Variants in TENM3 observed in about 807,000 individuals in gnomAD.
The protein encoded by TENM3 is teneurin-3.
TENM3 carries 63 observed loss-of-function variants against 255.1 expected under a neutral mutation model. That is an observed-to-expected ratio of 0.25 (90% CI 0.20 to 0.30). The LOEUF is 0.30. TENM3 is among the 10% of genes least tolerant of loss of function. The probability of loss-of-function intolerance (pLI) is 1.00; values close to 1 mark genes in which losing one functional copy is unlikely to be tolerated. For missense variants in TENM3, 2,929 were observed against 3,461.1 expected (o/e 0.85, Z 3.86); for synonymous variants, 1,306 against 1,322.3 (o/e 0.99, Z 0.27).
At chr4:182,616,542 T>C (rs1366034440) in intron 4 of TENM3, among the ~76,000 whole-genome samples, 3 of 74,882 alleles carry the variant, frequency 4.0e-5, no homozygotes, top group African/African-American at 1.2e-4. Flanking sequence ...AAAAAAAAGG[T>C]CAGGAGATCA....
the TENM3 span, among the ~76,000 whole-genome samples, chr4:181,817,499 C>A: frequency 8.5e-5 from 13 of 152,276 alleles, no homozygotes; most frequent in Admixed American, 2.0e-4. Context: ...TTTTAACCCA[C>A]ACCTAGAGAT....
chr4:182,413,707 T>C (rs1257560010), intron 3 of TENM3, among the ~76,000 whole-genome samples: 2 of 152,132 alleles, frequency 1.3e-5, no homozygotes, highest in African/African-American at 2.4e-5. Context: ...TTTCCCCAAA[T>C]GCTTTTGACA....
chr4:182,699,041 A>T (rs764409419), intron 12 of TENM3, among the ~76,000 whole-genome samples: 1 of 152,222 alleles, frequency 6.6e-6, no homozygotes, highest in Non-Finnish European at 1.5e-5. Context: ...GAAAAGAAAT[A>T]CGCTTCACAT....
At chr4:182,278,681 A>AT (rs963336004) in intron 1 of TENM3, among the ~76,000 whole-genome samples, 48 of 149,190 alleles carry the variant, frequency 3.2e-4, no homozygotes, top group African/African-American at 7.5e-5. Context: ...AAAAAAAAAA[A>AT]GGAGGTGGAA....
At chr4:181,779,385 A>C in the TENM3 span, among the ~76,000 whole-genome samples, 1 of 151,948 alleles carries the variant, frequency 6.6e-6, no homozygotes, top group Non-Finnish European at 1.5e-5. Context: ...CAAGAACTAC[A>C]TAAGGAGGGG....
At chr4:181,805,792 A>C in the TENM3 span, among the ~76,000 whole-genome samples, 9 of 152,296 alleles carry the variant, frequency 5.9e-5, no homozygotes, top group East Asian at 1.7e-3. Flanking sequence ...TTCCATATTT[A>C]AACTTTTTCT....
At chr4:182,557,842 A>T (rs1742724592) in intron 3 of TENM3, among the ~76,000 whole-genome samples, 1 of 152,290 alleles carries the variant, frequency 6.6e-6, no homozygotes, top group Non-Finnish European at 1.5e-5. Flanking sequence ...ACTTTTACCT[A>T]GATGTCTCTC....
chr4:182,100,614 TATATATACACACAC>T, the TENM3 span, among the ~76,000 whole-genome samples: 1 of 49,362 alleles, frequency 2.0e-5, no homozygotes, highest in Non-Finnish European at 4.3e-5. Flanking sequence ...TATACACACA[TATATATACACACAC>T]ATATATACAC....
intron 3 of TENM3, among the ~76,000 whole-genome samples, chr4:182,547,586 T>TAA (rs1030341206): frequency 2.6e-5 from 4 of 152,148 alleles, no homozygotes; most frequent in African/African-American, 9.7e-5. Context: ...AGGAGGTTGC[T>TAA]AAGTGCTAGT....
the TENM3 span, among the ~76,000 whole-genome samples, chr4:181,669,666 C>T: frequency 1.3e-5 from 2 of 152,158 alleles, no homozygotes; most frequent in Non-Finnish European, 2.9e-5. Context: ...GAGGAACCTA[C>T]AAGAACTGAT....
the TENM3 span, among the ~76,000 whole-genome samples, chr4:181,745,575 G>T: frequency 6.6e-6 from 1 of 152,160 alleles, no homozygotes; most frequent in African/African-American, 2.4e-5. Flanking sequence ...CAGCAAGACT[G>T]CAGGCTGAGC....
At chr4:182,000,452 A>AG in the TENM3 span, among the ~76,000 whole-genome samples, 1 of 152,090 alleles carries the variant, frequency 6.6e-6, no homozygotes, top group African/African-American at 2.4e-5. Context: ...AGCACTTTCC[A>AG]GGGGAGTATT....
the TENM3 span, among the ~76,000 whole-genome samples, chr4:181,845,115 A>G: frequency 5.9e-5 from 9 of 152,230 alleles, no homozygotes; most frequent in Admixed American, 5.2e-4. Flanking sequence ...AAGACATTCA[A>G]TTAAATATCC....
At chr4:182,555,026 C>A (rs976435042) in intron 3 of TENM3, among the ~76,000 whole-genome samples, 1 of 152,076 alleles carries the variant, frequency 6.6e-6, no homozygotes, top group African/African-American at 2.4e-5. Context: ...TAGTAATATT[C>A]CTTGTCTTCC....
intron 1 of TENM3, among the ~76,000 whole-genome samples, chr4:182,223,713 G>T (rs1275425210): frequency 6.8e-6 from 1 of 147,512 alleles, no homozygotes; most frequent in Non-Finnish European, 1.5e-5. Flanking sequence ...GTAATATTGA[G>T]TGTGTGTGTT....
the TENM3 span, among the ~76,000 whole-genome samples, chr4:181,717,214 G>A: frequency 1.3e-5 from 2 of 152,150 alleles, no homozygotes; most frequent in African/African-American, 4.8e-5. Context: ...GTATGTGAAT[G>A]ATCTAGGAAT....
At chr4:181,581,728 CT>C in the TENM3 span, among the ~76,000 whole-genome samples, 9,773 of 139,024 alleles carry the variant, frequency 0.07, 321 homozygotes, top group South Asian at 0.13. Flanking sequence ...TTCCGCTTTA[CT>C]TTTTTTTTTT....
chr4:181,649,572 G>A, the TENM3 span, among the ~76,000 whole-genome samples: 5 of 152,180 alleles, frequency 3.3e-5, no homozygotes, highest in African/African-American at 1.2e-4. Context: ...AATGAAGAGT[G>A]TGGGACAGTT....
At position 182,535,620 on chromosome 4, in the gene TENM3, C is replaced by T. The variant is rs147542102; in HGVS notation, c.512-65304C>T. Among the ~76,000 whole-genome samples the T allele has an allele frequency of 8.7e-3, 1,317 of 151,722 alleles. 8 individuals carry two copies. Among genetic ancestry groups the T allele is most frequent in the African/African-American group, 0.016 (668 of 41,358 alleles). On this transcript the variant is annotated intron_variant, in intron 3 of 27. Coordinates refer to ENST00000511685, the MANE Select transcript of TENM3 (RefSeq NM_001080477.4). ...GCCAGGTGTGGTGGCATGCACCTGC[C>T]GTCCTACTACTCCAGAGACTGAGGT...
Sources: gnomAD v4.1 joint callset for allele counts (sites outside exome capture counted in the v4.1 genomes callset) on GRCh38, gnomAD v4.1.1 for gene constraint, MANE v1.5 for transcripts, NCBI Gene and HGNC (gene_info 2026-07-23, HGNC 2026-07-21) for gene names.